Variants in LCT observed in about 807,000 individuals in gnomAD.
The protein encoded by LCT is lactase.
Under a neutral mutation model 173.0 loss-of-function variants are expected in LCT, and 90 were observed. The observed-to-expected ratio is 0.52, with a 90% CI of 0.44 to 0.62. The LOEUF (loss-of-function observed/expected upper bound fraction) is 0.62. LCT is among the 20% of genes least tolerant of loss of function. The probability of loss-of-function intolerance (pLI) is 0.00; values close to 1 mark genes in which losing one functional copy is unlikely to be tolerated. For synonymous variants in LCT, 853 were observed against 957.6 expected (o/e 0.89, Z 2.02); for missense variants, 1,864 against 2,431.4 (o/e 0.77, Z 4.91).
intron 7 of LCT, among the ~76,000 whole-genome samples, chr2:135,811,640 G>A (rs1383557736): frequency 1.3e-5 from 2 of 150,134 alleles, no homozygotes; most frequent in Non-Finnish European, 3.0e-5. Flanking sequence ...GTTTGAGGCT[G>A]AAGTGAGCTA....
intron 11 of LCT, among the ~76,000 whole-genome samples, chr2:135,803,078 C>T (rs1197388399): frequency 6.6e-6 from 1 of 152,064 alleles, no homozygotes; most frequent in East Asian, 1.9e-4. Context: ...TACCACTGCA[C>T]TCCAGCGTGG....
chr2:135,836,707 CAT>C lies in LCT; in HGVS notation c.461_462del (p.Tyr154CysfsTer20). On this transcript the variant is annotated frameshift_variant, in exon 1 of 17. Transcript: ENST00000264162. LOFTEE classifies it high-confidence loss of function. Reference protein sequence around the residue: ...TEAFADLFADYATFAFHSFGD... With the variant: ...TEAFADLFADXATFAFHSFGD... The stretch of plus-strand genomic sequence containing the variant: ...CCGAAGGAGTGGAAGGCGAATGTGG[CAT>C]AGTCGGCGAAGAGGTCAGCAAAGGC... 1.2e-6 allele frequency: 2 copies of C among 1,614,142 alleles called. No individual in the cohort carries two copies. The highest frequency in any genetic ancestry group is 1.7e-6 in the Non-Finnish European group (2 of 1,180,024).
intron 5 of LCT, chr2:135,820,732 T>C (rs752857121): frequency 6.6e-6 from 1 of 152,248 alleles, no homozygotes; most frequent in East Asian, 1.9e-4. Context: ...ATGAACTTCA[T>C]GCATGTAACA....
intron 2 of LCT, 50 bp from the exon 3 acceptor site, chr2:135,829,726 C>T: frequency 8.3e-7 from 1 of 1,207,918 alleles, no homozygotes; most frequent in Non-Finnish European, 1.2e-6. Context: ...ACTGTCAAGA[C>T]TAACAGCCTC....
At position 135,836,727 on chromosome 2, in the gene LCT, G is replaced by C. The variant is rs376267150; in HGVS notation, c.443C>G (p.Ala148Gly). 8.1e-6 allele frequency: 13 copies of C among 1,614,078 alleles called. No individual in the cohort carries two copies. The African/African-American group carries it at 1.7e-4, about 22-fold the overall frequency. The part of the protein sequence containing the change: ...ASTLRRTEAF[A>G]DLFADYATFA... ...TGTGGCATAGTCGGCGAAGAGGTCA[G>C]CAAAGGCTTCGGTTCTCCGGAGGGT... Residue 148 changes from alanine (A) to glycine (G), a missense_variant, in exon 1 of 17, where the codon GCT (alanine) becomes GGT (glycine). Coordinates refer to ENST00000264162, the MANE Select transcript of LCT (RefSeq NM_002299.4).
rs3769011 is a variant in LCT, at chr2:135,813,043, A to C, written c.1708-87T>G. 3.5e-6 allele frequency: 4 copies of C among 1,153,770 alleles called. No homozygotes were observed. The African/African-American group carries it at 6.1e-5, about 18-fold the overall frequency. 71.5% of individuals were successfully genotyped at this position (1,153,770 alleles called of 1,614,324 possible). The stretch of plus-strand genomic sequence containing the variant: ...CTAATGAACCAATAACAAGTCAACA[A>C]CAATGTCAACAAGTCAATAAAGACA... On this transcript the variant is annotated intron_variant, in intron 6 of 16. Coordinates refer to ENST00000264162, the MANE Select transcript of LCT (RefSeq NM_002299.4).
At chr2:135,804,659 A>G in intron 10 of LCT, 108 bp downstream of exon 10, 2 of 1,123,760 alleles carry the variant, frequency 1.8e-6, no homozygotes, top group Non-Finnish European at 2.6e-6. Flanking sequence ...AATAACAACA[A>G]AAGCTAAATT....
At chr2:135,830,060 C>G (rs2077922367) in intron 2 of LCT, among the ~76,000 whole-genome samples, 1 of 152,098 alleles carries the variant, frequency 6.6e-6, no homozygotes, top group Non-Finnish European at 1.5e-5. Flanking sequence ...TCACATTTGG[C>G]CAGGATGGGG....
rs200115037 is a variant in LCT at position 135,809,574 on chromosome 2, C to T, written c.2773G>A (p.Asp925Asn). 38 of 1,614,090 alleles carry T rather than the reference C, an allele frequency of 2.4e-5. No homozygotes were observed. The highest frequency in any genetic ancestry group is 6.7e-5 in the Admixed American group (4 of 60,012). ...TCCCAGATGCTGGGGCCTTTGCCAT[C>T]GGCATCCCACGCGCCTTCAATCTGA... ...AYQIEGAWDADGKGPSIWDNF... is the reference protein window; with the variant it reads ...AYQIEGAWDANGKGPSIWDNF... The change falls in exon 8 of 17, where the codon GAT becomes AAT. Residue 925 changes from aspartate to asparagine, a missense_variant. This residue lies in a region of LCT where 755 missense variants were observed against 926.3 expected (regional missense o/e 0.82). Transcript: ENST00000264162. The surrounding 1 kb of genome is among the most constrained non-coding windows in gnomAD (Gnocchi z 5.5).
At chr2:135,792,080 A>G (rs998356893) in intron 14 of LCT, among the ~76,000 whole-genome samples, 1 of 152,256 alleles carries the variant, frequency 6.6e-6, no homozygotes, top group African/African-American at 2.4e-5. Flanking sequence ...CCAAAGTGTG[A>G]GAAGGGGAAA....
At position 135,820,944 on chromosome 2, in the gene LCT, G is replaced by T. The variant is rs374290059; in HGVS notation, c.986+1076C>A. On this transcript the variant is annotated intron_variant, in intron 5 of 16. Transcript: ENST00000264162. Reference sequence around the variant, plus strand: ...CACCCAGGCTGGAGTGCAATGGCGCGATCTCAGCTCACTGCAAGCTCTGCC... The same window carrying T: ...CACCCAGGCTGGAGTGCAATGGCGCTATCTCAGCTCACTGCAAGCTCTGCC... Among the ~76,000 whole-genome samples, 31 of 151,520 alleles carry T rather than the reference G, an allele frequency of 2.0e-4. No homozygotes were observed. In the East Asian group the frequency reaches 4.9e-3, roughly 24 times the overall value.
At position 135,836,594 on chromosome 2, in the gene LCT, G is replaced by C; in HGVS notation, c.576C>G (p.Leu192=). Residue 192 remains leucine (L), a synonymous_variant, in exon 1 of 17, where the codon CTC becomes CTG. Transcript: ENST00000264162. ...LPHQESRASQ[L]QTLSDAHRKA... ...TTCTGTGGGCATCACTGAGGGTCTG[G>C]AGTTGTGACGCTCTTGATTCCTGGT... 1 of 1,613,896 alleles carries C rather than the reference G, an allele frequency of 6.2e-7. No homozygotes were observed. The highest frequency in any genetic ancestry group is 8.5e-7 in the Non-Finnish European group (1 of 1,179,782).
At chr2:135,788,637 A>G (rs2077511033) in intron 16 of LCT, 93 bp from the exon 17 acceptor site, 7 of 830,318 alleles carry the variant, frequency 8.4e-6, no homozygotes, top group Non-Finnish European at 1.3e-5. Context: ...CGGTACCCCA[A>G]ATCCGCACAG....
At chr2:135,802,005 C>T (rs1257734549) in intron 11 of LCT, among the ~76,000 whole-genome samples, 4 of 152,090 alleles carry the variant, frequency 2.6e-5, no homozygotes, top group African/African-American at 9.7e-5. Flanking sequence ...TCTGGAGCTC[C>T]TTGGGGACCC....
At chr2:135,833,808 CA>C (rs1439732389) in intron 1 of LCT, among the ~76,000 whole-genome samples, 8 of 152,074 alleles carry the variant, frequency 5.3e-5, no homozygotes, top group Admixed American at 2.6e-4. Flanking sequence ...GTTGTGCAAC[CA>C]ATCTCCAGAA....
chr2:135,805,827 T>G (rs1040075774), intron 9 of LCT, among the ~76,000 whole-genome samples: 1 of 152,174 alleles, frequency 6.6e-6, no homozygotes, highest in African/African-American at 2.4e-5. Context: ...GCATTATTCA[T>G]GCTTGTGGCA....
At position 135,821,838 on chromosome 2, in the gene LCT, C is replaced by G. The variant is rs192938715; in HGVS notation, c.986+182G>C. 201 of 599,610 alleles carry G rather than the reference C, an allele frequency of 3.4e-4. 1 individual carries two copies. In the East Asian group the frequency reaches 5.6e-3, roughly 17 times the overall value. 37.1% of individuals were successfully genotyped at this position (599,610 alleles called of 1,614,324 possible). ...ATGAGAAAGCAGAACCTCGTGAGTC[C>G]CACTCAGTAAGAGACTCCCTACTTT... On this transcript the variant is annotated intron_variant, in intron 5 of 16. Transcript: ENST00000264162.
chr2:135,818,820 A>G (rs563540622), intron 5 of LCT, among the ~76,000 whole-genome samples: 1 of 152,318 alleles, frequency 6.6e-6, no homozygotes, highest in East Asian at 1.9e-4. Context: ...CTGGGCAACA[A>G]GAGTGAAACT....
Position 135,816,964 on chromosome 2 carries a change from G to A in LCT, c.1707+377C>T, listed in dbSNP as rs554729412. 2.0e-5 allele frequency among the ~76,000 whole-genome samples: 3 copies of A among 152,122 alleles called. No homozygotes were observed. In the East Asian group the frequency reaches 5.8e-4, roughly 29 times the overall value. On this transcript the variant is annotated intron_variant, in intron 6 of 16. Transcript: ENST00000264162. ...GCTCACTGCAGCCTCTGCATACCAG[G>A]CTCAAGCGATCCTCCCACCTCAGTC...
Sources: allele counts gnomAD v4.1 joint callset (sites outside exome capture counted in the v4.1 genomes callset), GRCh38; gene constraint gnomAD v4.1.1; regional missense constraint gnomAD v4.1.1; non-coding constraint Gnocchi (gnomAD v3.1); transcripts MANE v1.5; gene names NCBI Gene and HGNC (gene_info 2026-07-23, HGNC 2026-07-21).